Variants in NEBL observed in about 807,000 individuals in gnomAD.
NEBL encodes LIM and SH3 protein 2.
NEBL carries 122 observed loss-of-function variants against 140.2 expected under a neutral mutation model. That is an observed-to-expected ratio of 0.87 (90% confidence interval 0.75 to 1.01). NEBL has a LOEUF of 1.01. NEBL is among the 50% of genes least tolerant of loss of function. The pLI is 0.00. For missense variants in NEBL, 1,365 were observed against 1,231.3 expected, an observed-to-expected ratio of 1.11 and a Z score of -1.62; for synonymous variants, 436 against 398.9, an observed-to-expected ratio of 1.09 and a Z score of -1.11.
At chr10:21,272,118 A>ATTTT (rs10678454) in intron 1 of NEBL, among the ~76,000 whole-genome samples, 1,485 of 79,080 alleles carry the variant, frequency 0.019, 91 homozygotes, top group African/African-American at 0.022. Context: ...CACTTGGTTA[A>ATTTT]TTTTTTTTTT....
intron 3 of NEBL, among the ~76,000 whole-genome samples, chr10:21,218,564 A>G (rs977212172): frequency 1.3e-5 from 2 of 152,252 alleles, no homozygotes; most frequent in Non-Finnish European, 2.9e-5. Flanking sequence ...AAGAGGAAAA[A>G]ATGCAGGAGT....
At chr10:21,001,295 T>C (rs1258788647) in intron 3 of NEBL, among the ~76,000 whole-genome samples, 3 of 152,142 alleles carry the variant, frequency 2.0e-5, no homozygotes, top group Admixed American at 2.0e-4. Context: ...AAAGAGAATG[T>C]CTTGTCCCAC....
At chr10:21,015,574 G>A (rs1230612740) in intron 3 of NEBL, among the ~76,000 whole-genome samples, 3 of 152,186 alleles carry the variant, frequency 2.0e-5, no homozygotes, top group African/African-American at 7.2e-5. Flanking sequence ...ACAGTGGTGT[G>A]ATTACAGCTA....
At chr10:21,121,332 G>A (rs946420898) in intron 2 of NEBL, among the ~76,000 whole-genome samples, 5 of 152,168 alleles carry the variant, frequency 3.3e-5, no homozygotes, top group African/African-American at 9.6e-5. Flanking sequence ...GCCAATCCCC[G>A]TTCTTCCAAG....
upstream of NEBL, among the ~76,000 whole-genome samples, chr10:21,179,186 C>A (rs1319314560): frequency 6.6e-6 from 1 of 152,162 alleles, no homozygotes; most frequent in Non-Finnish European, 1.5e-5. Flanking sequence ...CTCATGCAGC[C>A]TTAATCACAG....
intron 11 of NEBL, among the ~76,000 whole-genome samples, chr10:20,849,104 A>G (rs543962948): frequency 7.3e-4 from 111 of 152,274 alleles, no homozygotes; most frequent in African/African-American, 2.3e-3. Context: ...ACCAGCATCC[A>G]CTATTTCTAT....
chr10:21,224,702 T>G (rs1842120780), intron 3 of NEBL, among the ~76,000 whole-genome samples: 1 of 152,238 alleles, frequency 6.6e-6, no homozygotes, highest in African/African-American at 2.4e-5. Context: ...ACAGTTTTCA[T>G]TGCAGAGATC....
chr10:20,930,297 C>T lies in NEBL; in HGVS notation c.357+31375G>A, dbSNP rs74336381. On this transcript the variant is annotated intron_variant, in intron 4 of 6. Coordinates refer to the NEBL transcript ENST00000417816. ...CCCTCATTACAAACATTTCATCCTT[C>T]GACACGTTTTATTGGATCTATCTCC... 2.5e-3 allele frequency among the ~76,000 whole-genome samples: 383 copies of T among 152,226 alleles called. 4 individuals carry two copies. The East Asian group carries it at 0.048, about 19-fold the overall frequency.
intron 1 of NEBL, among the ~76,000 whole-genome samples, chr10:21,286,667 T>C (rs972875343): frequency 6.6e-6 from 1 of 151,980 alleles, no homozygotes; most frequent in African/African-American, 2.4e-5. Flanking sequence ...CCTGTCTCTA[T>C]TAAAAAACAC....
intron 1 of NEBL, among the ~76,000 whole-genome samples, chr10:21,261,519 G>A (rs906798848): frequency 2.0e-5 from 3 of 151,894 alleles, no homozygotes; most frequent in African/African-American, 7.3e-5. Flanking sequence ...AATCAGCCAG[G>A]CGTGGTGGTC....
intron 1 of NEBL, among the ~76,000 whole-genome samples, chr10:21,266,984 TG>T: frequency 6.6e-6 from 1 of 151,942 alleles, no homozygotes. Context: ...TTTTGTTTTT[TG>T]TTTTTTTCAG....
intron 1 of NEBL, among the ~76,000 whole-genome samples, chr10:21,277,026 G>A (rs1842933156): frequency 6.6e-6 from 1 of 151,872 alleles, no homozygotes; most frequent in South Asian, 2.1e-4. Flanking sequence ...CTACTTGGGA[G>A]GCTGAGGTAG....
intron 3 of NEBL, among the ~76,000 whole-genome samples, chr10:20,978,892 A>G (rs1787518927): frequency 6.6e-6 from 1 of 152,224 alleles, no homozygotes; most frequent in African/African-American, 2.4e-5. Context: ...CTCATGCACA[A>G]GGATAAATAG....
intron 4 of NEBL, among the ~76,000 whole-genome samples, chr10:20,961,062 A>C (rs990049989): frequency 6.6e-6 from 1 of 152,214 alleles, no homozygotes; most frequent in Non-Finnish European, 1.5e-5. Flanking sequence ...ACAGGTGTGA[A>C]TTACCAAAAC....
chr10:21,038,755 T>A lies in NEBL; in HGVS notation c.165-18554A>T, dbSNP rs552585109. Among the ~76,000 whole-genome samples, 10 of 152,328 alleles carry A rather than the reference T, an allele frequency of 6.6e-5. 1 individual carries two copies. The South Asian group carries it at 2.1e-3, about 32-fold the overall frequency. On this transcript the variant is annotated intron_variant, in intron 2 of 6. Coordinates refer to the NEBL transcript ENST00000417816. ...AATGGGATTGCTGGGTCAAATGGGA[T>A]TTCTGGCTCTAGATCCTTGAGAAAT... is the stretch of plus-strand genomic sequence containing the variant.
At chr10:21,292,387 C>T (rs1256093079) in intron 1 of NEBL, among the ~76,000 whole-genome samples, 2 of 152,056 alleles carry the variant, frequency 1.3e-5, no homozygotes, top group East Asian at 1.9e-4. Flanking sequence ...TGGAATTGCA[C>T]GATCATCTTA....
In NEBL at chr10:20,815,657, T is replaced by C; in HGVS notation, c.2209A>G (p.Arg737Gly). Residue 737 changes from arginine (R) to glycine (G), a missense_variant, in exon 22 of 28, where the codon AGA (arginine) becomes GGA (glycine). This residue lies in a region of NEBL where 1,323 missense variants were observed against 1,154.8 expected (regional missense o/e 1.15). Coordinates refer to ENST00000377122, the MANE Select transcript of NEBL (RefSeq NM_006393.3). ...ATATTTTCTTGATTCTTCTTCACTC[T>C]TTCCATTTCAGGAGTTACACTTAAA... ...TTLSVTPEME[R>G]VKKNQENISS... 1.2e-6 allele frequency: 2 copies of C among 1,612,860 alleles called. No individual in the cohort carries two copies. The highest frequency in any genetic ancestry group is 1.7e-6 in the Non-Finnish European group (2 of 1,178,906).
intron 2 of NEBL, among the ~76,000 whole-genome samples, chr10:21,095,585 A>G (rs577732274): frequency 6.6e-6 from 1 of 152,338 alleles, no homozygotes; most frequent in Non-Finnish European, 1.5e-5. Flanking sequence ...ATGTGATTTT[A>G]ATGTAAGTAG....
chr10:20,799,441 C>T (rs1836885748), intron 26 of NEBL, among the ~76,000 whole-genome samples: 2 of 152,142 alleles, frequency 1.3e-5, no homozygotes, highest in East Asian at 1.9e-4. Context: ...CAGGCGTGCC[C>T]GGTTCATCAC....
Sources: allele counts gnomAD v4.1 joint callset (sites outside exome capture counted in the v4.1 genomes callset), GRCh38; gene constraint gnomAD v4.1.1; regional missense constraint gnomAD v4.1.1; transcripts MANE v1.5; gene names NCBI Gene and HGNC (gene_info 2026-07-23, HGNC 2026-07-21).